Variants in SMARCC2 observed in about 807,000 individuals in gnomAD.
SMARCC2 encodes the protein SWI/SNF complex subunit SMARCC2.
A neutral mutation model predicts 151.3 loss-of-function variants in SMARCC2; 15 were observed. The observed-to-expected ratio is 0.10, with a 90% confidence interval of 0.07 to 0.15. The LOEUF is 0.15. SMARCC2 is among the 10% of genes least tolerant of loss of function. The pLI is 1.00. For missense variants in SMARCC2, 1,031 were observed against 1,599.7 expected (o/e 0.64, Z 6.06); for synonymous variants, 590 against 609.5 (o/e 0.97, Z 0.47).
At chr12:56,184,661 C>T (rs1876882942) in intron 5 of SMARCC2, 183 bp downstream of exon 5, 1 of 593,248 alleles carries the variant, frequency 1.7e-6, no homozygotes, top group Non-Finnish European at 3.0e-6. Context: ...CCTGTCAGGA[C>T]TGAAAAATGG....
In SMARCC2 at chr12:56,169,646, C is replaced by T. The variant is rs765553435; in HGVS notation, c.2598G>A (p.Leu866=). ...CCCCCTCAGACTCCACCACTTCCTT[C>T]AGCACTTCCTCCTGCCCTTCCTTTG... The part of the protein sequence containing the change: ...KEPKEGQEEV[L]KEVVESEGER... Residue 866 remains leucine (L), a synonymous_variant, in exon 25 of 29, where the codon CTG becomes CTA. Coordinates refer to ENST00000550164, the MANE Select transcript of SMARCC2 (RefSeq NM_001330288.2). 2.5e-6 allele frequency: 4 copies of T among 1,614,118 alleles called. No individual in the cohort carries two copies. The highest frequency in any genetic ancestry group is 2.2e-5 in the East Asian group (1 of 44,878).
In SMARCC2 at chr12:56,172,932, C is replaced by G; in HGVS notation, c.1743+5G>C. The G allele has an allele frequency of 1.2e-6, 2 of 1,612,890 alleles. No individual in the cohort carries two copies. The highest frequency in any genetic ancestry group is 1.7e-6 in the Non-Finnish European group (2 of 1,179,952). ...GCAGCCCAGCAGGGTCTGCACCCCA[C>G]CTACCAGCTCTGGCTTGCCCTTAGC... On this transcript the variant is annotated splice_donor_5th_base_variant and intron_variant, in intron 18 of 28. Coordinates refer to ENST00000550164, the MANE Select transcript of SMARCC2 (RefSeq NM_001330288.2).
chr12:56,170,578 A>G (rs1293363856), intron 22 of SMARCC2, among the ~76,000 whole-genome samples: 1 of 151,790 alleles, frequency 6.6e-6, no homozygotes, highest in African/African-American at 2.4e-5. Flanking sequence ...GGCGCATGCC[A>G]CCATGCCTGG....
At chr12:56,173,575 C>G (rs1374965617) in intron 17 of SMARCC2, 121 bp downstream of exon 17, 14 of 877,956 alleles carry the variant, frequency 1.6e-5, no homozygotes, top group Non-Finnish European at 2.5e-5. Flanking sequence ...CCTTTGCATC[C>G]CATGGAAAAG....
At chr12:56,164,102 A>C (rs553428064) in intron 28 of SMARCC2, among the ~76,000 whole-genome samples, 1 of 152,136 alleles carries the variant, frequency 6.6e-6, no homozygotes, top group African/African-American at 2.4e-5. Context: ...CCCCAACATC[A>C]TCCCAAAGGT....
At chr12:56,186,804 T>C (rs997912824) in intron 2 of SMARCC2, 23 of 185,832 alleles carry the variant, frequency 1.2e-4, no homozygotes, top group Non-Finnish European at 1.6e-4. Context: ...GTAGGTTTAC[T>C]AATCCCATCT....
Position 56,181,096 on chromosome 12 carries a change from G to A in SMARCC2, c.962C>T (p.Ser321Leu), listed in dbSNP as rs777713276. Residue 321 changes from serine to leucine, a missense_variant, in exon 11 of 29, where the codon TCA (serine) becomes TTA (leucine). Transcript: ENST00000550164. The stretch of plus-strand genomic sequence containing the variant: ...ACGCTTTGACTTAGTGTAAGGTGTT[G>A]AGGGACTGGGAAGGAAAGAGAGTGA... ...AKKKNAKKGP[S>L]TPYTKSKRGH... is the part of the protein sequence containing the mutation. 4.3e-5 allele frequency: 70 copies of A among 1,611,000 alleles called. No individual in the cohort carries two copies. In the East Asian group the frequency reaches 1.4e-3, roughly 33 times the overall value.
rs370439869 is a variant in SMARCC2 at position 56,188,433 on chromosome 12, G to GA, written c.111+917dup. On this transcript the variant is annotated intron_variant, in intron 1 of 28. Coordinates refer to ENST00000550164, the MANE Select transcript of SMARCC2 (RefSeq NM_001330288.2). ...GGCAGGAAGAACTGGGGAGCTGAAA[G>GA]AAAGCCATAAAGAGAATCCCTCTCT... Among the ~76,000 whole-genome samples, 378 of 152,280 alleles carry GA rather than the reference G, an allele frequency of 2.5e-3. 3 individuals are homozygous for GA. The highest frequency in any genetic ancestry group is 8.7e-3 in the African/African-American group (361 of 41,568).
At chr12:56,169,943 T>C (rs1202868579) in intron 23 of SMARCC2, 32 bp from the exon 24 acceptor site, 2 of 1,605,500 alleles carry the variant, frequency 1.2e-6, no homozygotes, top group Middle Eastern at 3.3e-4. Flanking sequence ...AGGAGAGTTA[T>C]CAGGGATTAG....
Position 56,164,482 on chromosome 12 carries a change from A to G in SMARCC2, c.3482T>C (p.Leu1161Pro), listed in dbSNP as rs752904444. 2 of 1,613,942 alleles carry G rather than the reference A, an allele frequency of 1.2e-6. No homozygotes were observed. The highest frequency in any genetic ancestry group is 2.2e-5 in the South Asian group (2 of 91,074). The stretch of plus-strand genomic sequence containing the variant: ...GGACACAGGCAGGTTAGGTGGGGGG[A>G]GAGTGCCCGGGGCGAACGGGAGATG... ...HHHLPFAPGT[L>P]PPPNLPVSMA... is the part of the protein sequence containing the mutation. Residue 1161 changes from leucine to proline, a missense_variant, in exon 28 of 29, where the codon CTC (leucine) becomes CCC (proline). Physicochemically the swap from Leu to Pro is moderately conservative, Grantham distance 98 (BLOSUM62 -3). Transcript: ENST00000550164.
At chr12:56,178,730 G>A in intron 13 of SMARCC2, 80 bp downstream of exon 13, 1 of 1,522,748 alleles carries the variant, frequency 6.6e-7, no homozygotes, top group Non-Finnish European at 9.1e-7. Flanking sequence ...TCTGGGCAGT[G>A]AAAAGTTTGG....
At chr12:56,179,208 C>T in intron 11 of SMARCC2, 152 bp from the exon 12 acceptor site, 2 of 652,206 alleles carry the variant, frequency 3.1e-6, no homozygotes, top group South Asian at 3.9e-5. Context: ...TCTAGGGCTT[C>T]AAACTTCTTG....
intron 3 of SMARCC2, chr12:56,185,401 T>C (rs994624320): frequency 4.1e-5 from 14 of 340,346 alleles, no homozygotes; most frequent in Middle Eastern, 1.0e-3. Context: ...CAAACTGGTC[T>C]TGAACTCCTG....
chr12:56,182,317 A>G (rs911622091), intron 7 of SMARCC2, among the ~76,000 whole-genome samples: 11 of 151,390 alleles, frequency 7.3e-5, no homozygotes, highest in African/African-American at 2.7e-4. Context: ...TTTCCTCCAC[A>G]GTAATTTTTT....
chr12:56,171,065 C>A lies in SMARCC2; in HGVS notation c.2347+206G>T, dbSNP rs1457410048. Among the ~76,000 whole-genome samples the A allele has an allele frequency of 6.6e-6, 1 of 152,158 alleles. No individual in the cohort carries two copies. The highest frequency in any genetic ancestry group is 2.4e-5 in the African/African-American group (1 of 41,424). ...CTTTTCTAACAGCCCCTTCTACAAG[C>A]AAAGATTTTTCTACCCAAAATCTTC... On this transcript the variant is annotated intron_variant, in intron 22 of 28. Coordinates refer to ENST00000550164, the MANE Select transcript of SMARCC2 (RefSeq NM_001330288.2). This position sits in a 1 kb window ranked among gnomAD's most constrained non-coding sequence, Gnocchi z 4.2.
At chr12:56,172,873 C>A in intron 18 of SMARCC2, 64 bp downstream of exon 18, 1 of 1,590,520 alleles carries the variant, frequency 6.3e-7, no homozygotes. Context: ...TCTCTTCTTC[C>A]CGGGCAGGGG....
At chr12:56,172,240 C>CTGGCTAATT (rs1874088475) in intron 20 of SMARCC2, 188 bp downstream of exon 20, 2 of 561,870 alleles carry the variant, frequency 3.6e-6, no homozygotes, top group South Asian at 5.2e-5. Context: ...GCCACCACAC[C>CTGGCTAATT]TGGCTAATTT....
chr12:56,188,522 G>A (rs946829150), intron 1 of SMARCC2, among the ~76,000 whole-genome samples: 1 of 152,110 alleles, frequency 6.6e-6, no homozygotes, highest in African/African-American at 2.4e-5. Context: ...AGACAAAGAC[G>A]ACACCAGGAA....
Position 56,173,861 on chromosome 12 carries a change from G to A in SMARCC2, c.1497-12C>T. The A allele has an allele frequency of 6.2e-7, 1 of 1,609,920 alleles. No homozygotes were observed. Among genetic ancestry groups the A allele is most frequent in the Non-Finnish European group, 8.5e-7 (1 of 1,177,402 alleles). On this transcript the variant is annotated splice_polypyrimidine_tract_variant and intron_variant, in intron 16 of 28. Coordinates refer to ENST00000550164, the MANE Select transcript of SMARCC2 (RefSeq NM_001330288.2). ...GGAAGGCATGGACCCTGTGCAGAGA[G>A]AGGCAGAGACAGGGTCACACGGATA... is the stretch of plus-strand genomic sequence containing the variant.
Sources: gnomAD v4.1 joint callset for allele counts (sites outside exome capture counted in the v4.1 genomes callset) on GRCh38, gnomAD v4.1.1 for gene constraint, Gnocchi (gnomAD v3.1) non-coding constraint, MANE v1.5 for transcripts, NCBI Gene and HGNC (gene_info 2026-07-23, HGNC 2026-07-21) for gene names.